ATR: variants seen among roughly 807,000 people sequenced by gnomAD.
The protein encoded by ATR is ATR checkpoint kinase.
In ATR, 142 loss-of-function variants were observed where a neutral mutation model predicts 305.3. The observed-to-expected ratio is 0.47, with a 90% CI of 0.41 to 0.53. ATR has a LOEUF of 0.53. Ranked by LOEUF, ATR falls within the 20% of genes least tolerant of loss-of-function variation. The probability of loss-of-function intolerance (pLI) is 0.00; values close to 1 mark genes in which losing one functional copy is unlikely to be tolerated. For synonymous variants in ATR, 1,050 were observed against 1,068.1 expected, an observed-to-expected ratio of 0.98 and a Z score of 0.33; for missense variants, 2,135 against 3,133.1, an observed-to-expected ratio of 0.68 and a Z score of 7.60.
At chr3:142,573,155 G>T (rs2035328309) in intron 1 of ATR, among the ~76,000 whole-genome samples, 1 of 152,056 alleles carries the variant, frequency 6.6e-6, no homozygotes, top group African/African-American at 2.4e-5. Flanking sequence ...TAGACACAAA[G>T]AATCAAAGGG....
Position 142,535,209 on chromosome 3 carries a change from T to C in ATR, c.3820-4A>G, listed in dbSNP as rs748067492. The C allele has an allele frequency of 3.2e-5, 51 of 1,612,882 alleles. No individual in the cohort carries two copies. Among genetic ancestry groups the C allele is most frequent in the Non-Finnish European group, 4.2e-5 (50 of 1,179,298 alleles). On this transcript the variant is annotated splice_region_variant and splice_polypyrimidine_tract_variant and intron_variant, in intron 20 of 46. Transcript: ENST00000350721. The stretch of plus-strand genomic sequence containing the variant: ...GATCAGTGCTCTCAGAGGTCTCCTA[T>C]ATACAAAGCACAGAGAGACAGAACT...
intron 36 of ATR, chr3:142,472,012 A>C (rs1448369125): frequency 1.3e-5 from 2 of 152,038 alleles, no homozygotes; most frequent in Non-Finnish European, 2.9e-5. Flanking sequence ...CTTCACTTAG[A>C]ATAATCTCCA....
At chr3:142,542,198 A>C (rs57504134) in intron 17 of ATR, among the ~76,000 whole-genome samples, 1 of 152,056 alleles carries the variant, frequency 6.6e-6, no homozygotes, top group Non-Finnish European at 1.5e-5. Flanking sequence ...AACCAAGGAG[A>C]CTCAATGATG....
chr3:142,526,173 A>T (rs772641625), intron 21 of ATR, among the ~76,000 whole-genome samples: 1 of 152,202 alleles, frequency 6.6e-6, no homozygotes, highest in Non-Finnish European at 1.5e-5. Context: ...ACCACTTGTC[A>T]TATGAAAATT....
chr3:142,477,775 T>A (rs567350563), intron 36 of ATR, among the ~76,000 whole-genome samples: 1 of 152,310 alleles, frequency 6.6e-6, no homozygotes, highest in African/African-American at 2.4e-5. Context: ...TCAGAGCCTG[T>A]TATTGGTCCA....
chr3:142,563,739 T>C (rs530036515), intron 3 of ATR, among the ~76,000 whole-genome samples: 1 of 152,306 alleles, frequency 6.6e-6, no homozygotes, highest in East Asian at 1.9e-4. Flanking sequence ...TGATTAAGCC[T>C]ACTGAGGAAG....
intron 32 of ATR, among the ~76,000 whole-genome samples, chr3:142,497,592 T>C (rs1293223541): frequency 1.3e-5 from 2 of 151,074 alleles, no homozygotes; most frequent in Non-Finnish European, 3.0e-5. Context: ...AATAAATAAA[T>C]AAATAAATAA....
chr3:142,452,945 T>C, intron 46 of ATR, 183 bp downstream of exon 46: 1 of 1,463,202 alleles, frequency 6.8e-7, no homozygotes, highest in South Asian at 1.4e-5. Flanking sequence ...CTGTTAACAT[T>C]ACTGACAATA....
intron 1 of ATR, among the ~76,000 whole-genome samples, chr3:142,570,737 G>A (rs185963042): frequency 3.3e-5 from 5 of 152,314 alleles, no homozygotes; most frequent in Admixed American, 3.3e-4. Flanking sequence ...CTTATGTTTA[G>A]GTATTTGTAT....
intron 1 of ATR, among the ~76,000 whole-genome samples, chr3:142,570,766 A>T (rs113536951): frequency 0.012 from 1,899 of 152,280 alleles, 45 homozygotes; most frequent in African/African-American, 0.043. Context: ...GACTTTTAAA[A>T]TTTTCCTGTA....
chr3:142,553,441 C>CAT, intron 12 of ATR, 43 bp from the exon 13 acceptor site: 1 of 1,534,476 alleles, frequency 6.5e-7, no homozygotes. Context: ...CAAACACACA[C>CAT]ACACACACAC....
intron 45 of ATR, 23 bp from the exon 46 acceptor site, chr3:142,453,256 G>C (rs781466224): frequency 2.5e-5 from 40 of 1,606,282 alleles, no homozygotes; most frequent in Non-Finnish European, 3.4e-5. Context: ...CAAATATTAT[G>C]GTATGATGTT....
At chr3:142,449,706 C>T in intron 46 of ATR, 104 bp from the exon 47 acceptor site, 1 of 1,197,688 alleles carries the variant, frequency 8.3e-7, no homozygotes, top group Non-Finnish European at 1.2e-6. Context: ...ATTTTACTGA[C>T]CAATACCCCT....
At chr3:142,548,865 A>G (rs369447162) in intron 15 of ATR, among the ~76,000 whole-genome samples, 4 of 152,320 alleles carry the variant, frequency 2.6e-5, no homozygotes, top group East Asian at 1.9e-4. Flanking sequence ...TACATTTGAT[A>G]TTCACTAACT....
intron 10 of ATR, among the ~76,000 whole-genome samples, chr3:142,554,982 C>A (rs992837154): frequency 4.0e-5 from 6 of 150,378 alleles, no homozygotes; most frequent in African/African-American, 1.2e-4. Context: ...ATGCCTGTAA[C>A]CCCAGCACTT....
At chr3:142,558,552 A>G (rs2034760156) in intron 8 of ATR, 72 bp downstream of exon 8, 60 of 1,122,744 alleles carry the variant, frequency 5.3e-5, no homozygotes, top group Non-Finnish European at 7.1e-5. Flanking sequence ...ATAAATAAAT[A>G]AATAAATAGA....
At chr3:142,462,299 C>A (rs2071037133) in intron 41 of ATR, among the ~76,000 whole-genome samples, 1 of 151,994 alleles carries the variant, frequency 6.6e-6, no homozygotes, top group South Asian at 2.1e-4. Flanking sequence ...TTAAAAATGT[C>A]CTGGGTAGGT....
In ATR at chr3:142,553,309, T is replaced by G; in HGVS notation, c.2723A>C (p.Tyr908Ser). Residue 908 changes from tyrosine to serine, a missense_variant, in exon 13 of 47, where the codon TAC becomes TCC. Coordinates refer to ENST00000350721, the MANE Select transcript of ATR (RefSeq NM_001184.4). ...SKSASVSGAAYTEIRALVAAK... is the reference protein window; with the variant it reads ...SKSASVSGAASTEIRALVAAK... ...TGCAACCAGAGCTCTAATTTCTGTG[T>G]ATGCTGCTCCAGAGACAGATGCTGA... 1 of 1,614,156 alleles carries G rather than the reference T, an allele frequency of 6.2e-7. No homozygotes were observed. The highest frequency in any genetic ancestry group is 8.5e-7 in the Non-Finnish European group (1 of 1,180,006).
intron 35 of ATR, among the ~76,000 whole-genome samples, chr3:142,492,786 T>A (rs967326503): frequency 7.2e-5 from 11 of 152,198 alleles, no homozygotes; most frequent in Non-Finnish European, 1.3e-4. Context: ...GGTATATCTC[T>A]TACAACACCA....
Sources: gnomAD v4.1 joint callset for allele counts (sites outside exome capture counted in the v4.1 genomes callset) on GRCh38, gnomAD v4.1.1 for gene constraint, MANE v1.5 for transcripts, NCBI Gene and HGNC (gene_info 2026-07-23, HGNC 2026-07-21) for gene names.